Variants in CEBPZOS observed in about 807,000 individuals in gnomAD.
CEBPZOS encodes the protein CEBPZ opposite strand.
Under a neutral mutation model 4.8 loss-of-function variants are expected in CEBPZOS, and 10 were observed. That is an observed-to-expected ratio of 2.07 (90% CI 1.28 to 3.52). The LOEUF is 3.52. Among genes scored for constraint, CEBPZOS ranks in the 30% most tolerant of loss-of-function variants. The pLI, the probability that CEBPZOS is intolerant of heterozygous loss-of-function variation, is 0.00. For synonymous variants in CEBPZOS, 25 were observed against 14.2 expected (o/e 1.77, Z -1.72); for missense variants, 98 against 43.6 (o/e 2.25, Z -3.51).
chr2:37,201,774 T>C (rs971697863), intron 4 of CEBPZOS, 48 bp downstream of exon 4: 21 of 1,424,706 alleles, frequency 1.5e-5, no homozygotes, highest in Non-Finnish European at 2.1e-5. Context: ...TCATTTCCTT[T>C]GTTTTTTAGT....
rs1385932508 is a variant in CEBPZOS at position 37,201,859 on chromosome 2, G to A, written c.*3-4G>A. On this transcript the variant is annotated splice_region_variant and splice_polypyrimidine_tract_variant and intron_variant, in intron 4 of 4. Transcript: ENST00000402297. ...ATGATACTTTTTGCATCTCTGTTGTGTAGCCAGTCATCACGTTCAGCCTCC... is the reference window on the plus strand; with the variant it reads ...ATGATACTTTTTGCATCTCTGTTGTATAGCCAGTCATCACGTTCAGCCTCC... 1.2e-6 allele frequency: 2 copies of A among 1,613,268 alleles called. No individual in the cohort carries two copies. The highest frequency in any genetic ancestry group is 2.2e-5 in the East Asian group (1 of 44,862).
rs1237131195 is a variant in CEBPZOS, at chr2:37,199,718, T to C, written c.14T>C (p.Leu5Ser). Residue 5 changes from leucine (L) to serine (S), a missense_variant, in exon 2 of 5, where the codon TTG becomes TCG. Leu to Ser is a moderately radical substitution (Grantham distance 145). Transcript: ENST00000402297. ...GTTAAATTTAGGATGGCCCGTACTT[T>C]GGAACCACTAGCAAAGAAGATCTTT... Reference protein sequence around the residue: MARTLEPLAKKIFKG... With the variant: MARTSEPLAKKIFKG... The C allele has an allele frequency of 2.2e-5, 16 of 717,366 alleles. No individual in the cohort carries two copies. In the Admixed American group the frequency reaches 2.8e-4, roughly 13 times the overall value. 44.4% of individuals were successfully genotyped at this position (717,366 alleles called of 1,614,324 possible).
chr2:37,214,832 TA>T, downstream of CEBPZOS: 1 of 1,141,512 alleles, frequency 8.8e-7, no homozygotes, highest in Non-Finnish European at 1.3e-6. Context: ...TTATGAAATC[TA>T]AAAATTTAAA....
intron 3 of CEBPZOS, chr2:37,201,320 G>A (rs1412684191): frequency 3.8e-6 from 2 of 523,586 alleles, no homozygotes; most frequent in African/African-American, 1.9e-5. Flanking sequence ...ATTCATATAT[G>A]AGGTGATAGA....
At position 37,202,866 on chromosome 2, in the gene CEBPZOS, CTT is replaced by C. The variant is rs1413493868; in HGVS notation, c.*1009_*1010del. ...TATTTTCATCCAATAGATGGCCAAA[CTT>C]TTAAACAAAAACGATAAATTTATTA... On this transcript the variant is annotated 3_prime_UTR_variant, in exon 5 of 5. Coordinates refer to ENST00000402297, the MANE Select transcript of CEBPZOS (RefSeq NM_001322374.2). 6 of 1,598,272 alleles carry C rather than the reference CTT, an allele frequency of 3.8e-6. No homozygotes were observed. In the African/African-American group the frequency reaches 5.4e-5, roughly 14 times the overall value.
At chr2:37,197,447 T>C (rs915404705) in intron 1 of CEBPZOS, 29 of 152,300 alleles carry the variant, frequency 1.9e-4, no homozygotes, top group African/African-American at 6.3e-4. Flanking sequence ...TATTTTCTTT[T>C]CTTTTAACCC....
chr2:37,197,139 A>T (rs2148312773), intron 1 of CEBPZOS: 1 of 152,850 alleles, frequency 6.5e-6, no homozygotes, highest in East Asian at 1.9e-4. Context: ...CTTCGTGTTA[A>T]ACTTCACCTA....
In CEBPZOS at chr2:37,203,027, C is replaced by CT. The variant is rs1256895553; in HGVS notation, c.*1168dup. ...CTTGGCCCTAAAAAAAATTGTAAGTCTACATTATTCAATTATAAATCTAAT... is the reference window on the plus strand; with the variant it reads ...CTTGGCCCTAAAAAAAATTGTAAGTCTTACATTATTCAATTATAAATCTAAT... On this transcript the variant is annotated 3_prime_UTR_variant, in exon 5 of 5. Transcript: ENST00000402297. The CT allele has an allele frequency of 6.9e-7, 1 of 1,446,492 alleles. No individual in the cohort carries two copies. Among genetic ancestry groups the CT allele is most frequent in the Non-Finnish European group, 9.3e-7 (1 of 1,071,578 alleles). The allele number at this position is 1,446,492 out of a possible 1,614,324, so 89.6% of individuals were successfully genotyped here.
At position 37,203,278 on chromosome 2, in the gene CEBPZOS, TA is replaced by T. The variant is rs1677370823; in HGVS notation, c.*1420del. On this transcript the variant is annotated 3_prime_UTR_variant, in exon 5 of 5. Coordinates refer to ENST00000402297, the MANE Select transcript of CEBPZOS (RefSeq NM_001322374.2). ...TGGCCACTGATCGAAGTTTTACCCA[TA>T]AGGGAAATAACATAGTATCAAGCAA... The T allele has an allele frequency of 8.2e-6, 2 of 243,928 alleles. No homozygotes were observed. Among genetic ancestry groups the T allele is most frequent in the African/African-American group, 2.2e-5 (1 of 44,712 alleles). The allele number at this position is 243,928 out of a possible 1,614,324, so 15.1% of individuals were successfully genotyped here.
chr2:37,198,059 C>T (rs1677035796), intron 1 of CEBPZOS, among the ~76,000 whole-genome samples: 1 of 151,890 alleles, frequency 6.6e-6, no homozygotes, highest in Admixed American at 6.6e-5. Flanking sequence ...ACTGGGGAGG[C>T]TGAGGCAAGA....
At chr2:37,205,514 C>T (rs1364461917), downstream of CEBPZOS, among the ~76,000 whole-genome samples, 1 of 152,158 alleles carries the variant, frequency 6.6e-6, no homozygotes, top group African/African-American at 2.4e-5. Flanking sequence ...AAAATGGCCC[C>T]ACCCCTATCT....
chr2:37,211,541 A>T (rs1275442335), intron 4 of CEBPZOS: 1 of 300,184 alleles, frequency 3.3e-6, no homozygotes, highest in Non-Finnish European at 6.1e-6. Flanking sequence ...AACTTTTATA[A>T]ACTGCTAATT....
downstream of CEBPZOS, among the ~76,000 whole-genome samples, chr2:37,207,799 A>C (rs540185942): frequency 6.6e-6 from 1 of 152,204 alleles, no homozygotes; most frequent in Non-Finnish European, 1.5e-5. Flanking sequence ...GAAATAACAA[A>C]TATCAGAGCA....
At chr2:37,209,201 T>G (rs1677640145), downstream of CEBPZOS, 1 of 152,136 alleles carries the variant, frequency 6.6e-6, no homozygotes, top group Non-Finnish European at 1.5e-5. Context: ...ATCGATATTG[T>G]GAAAATGACC....
intron 4 of CEBPZOS, among the ~76,000 whole-genome samples, chr2:37,213,127 T>C (rs1393756487): frequency 6.6e-6 from 1 of 152,188 alleles, no homozygotes; most frequent in East Asian, 1.9e-4. Flanking sequence ...CAATTTACCA[T>C]GTTTTTTGTT....
Position 37,202,514 on chromosome 2 carries a change from G to A in CEBPZOS, c.*654G>A. The A allele has an allele frequency of 7.6e-6, 2 of 263,486 alleles. No individual in the cohort carries two copies. The highest frequency in any genetic ancestry group is 1.5e-5 in the Non-Finnish European group (2 of 136,774). The allele number at this position is 263,486 out of a possible 1,614,324, so 16.3% of individuals were successfully genotyped here. A position where few individuals can be genotyped will look rare whatever the true frequency, so the allele number is the denominator to read the frequency against. ...ACAAAAATTAGCTGGGCGTGGTGGT[G>A]CATGCCTGTAATCCCAGCTACTTGG... On this transcript the variant is annotated 3_prime_UTR_variant, in exon 5 of 5. Transcript: ENST00000402297.
At chr2:37,214,642 C>G (rs191502672), downstream of CEBPZOS, among the ~76,000 whole-genome samples, 8 of 152,040 alleles carry the variant, frequency 5.3e-5, no homozygotes, top group Non-Finnish European at 1.5e-5. Flanking sequence ...AGCAAAATGA[C>G]GGATTTGTAA....
At chr2:37,198,172 A>T (rs947171041) in intron 1 of CEBPZOS, among the ~76,000 whole-genome samples, 4 of 136,300 alleles carry the variant, frequency 2.9e-5, no homozygotes, top group Admixed American at 2.1e-4. Flanking sequence ...AAAATAAAAT[A>T]AAAAAAAAAT....
In CEBPZOS at chr2:37,212,662, T is replaced by A. The variant is rs115136388; in HGVS notation, c.*3-775T>A. On this transcript the variant is annotated intron_variant, in intron 4 of 4. Coordinates refer to the CEBPZOS transcript ENST00000397064. Reference sequence around the variant, plus strand: ...TTATGGAAAGAGGATAAATATCAAATAAAATGATATTTAGCAATTGTCGTC... The same window carrying A: ...TTATGGAAAGAGGATAAATATCAAAAAAAATGATATTTAGCAATTGTCGTC... 8.2e-3 allele frequency: 3,808 copies of A among 463,270 alleles called. 17 individuals are homozygous for A. Among genetic ancestry groups the A allele is most frequent in the Non-Finnish European group, 0.011 (2,835 of 261,862 alleles). The allele number at this position is 463,270 out of a possible 1,614,324, so 28.7% of individuals were successfully genotyped here.
Sources: allele counts gnomAD v4.1 joint callset (sites outside exome capture counted in the v4.1 genomes callset), GRCh38; gene constraint gnomAD v4.1.1; transcripts MANE v1.5; gene names NCBI Gene and HGNC (gene_info 2026-07-23, HGNC 2026-07-21).